The following PDPN variants were observed in gnomAD, a reference collection of about 807,000 sequenced individuals.
PDPN encodes podoplanin.
A neutral mutation model predicts 23.2 loss-of-function variants in PDPN; 12 were observed. The ratio of observed to expected loss-of-function variants is 0.52; its 90% CI spans 0.33 to 0.84. The LOEUF (loss-of-function observed/expected upper bound fraction) is 0.84, where lower values mean the gene tolerates loss of function less well. Ranked by LOEUF, PDPN falls within the 40% of genes least tolerant of loss-of-function variation. The pLI is 0.02. For missense variants in PDPN, 199 were observed against 212.2 expected, an observed-to-expected ratio of 0.94 and a Z score of 0.39; for synonymous variants, 77 against 76.7, an observed-to-expected ratio of 1.00 and a Z score of -0.02.
At chr1:13,612,356 A>C (rs1253978846) in intron 3 of PDPN, among the ~76,000 whole-genome samples, 2 of 152,192 alleles carry the variant, frequency 1.3e-5, no homozygotes, top group African/African-American at 4.8e-5. Context: ...TGGCACTAAT[A>C]AGCTCTAATT....
In PDPN at chr1:13,617,493, C is replaced by T. The variant is rs1455338931; in HGVS notation, c.*1582C>T. The T allele has an allele frequency of 6.6e-6, 1 of 152,222 alleles. No homozygotes were observed. The highest frequency in any genetic ancestry group is 1.5e-5 in the Non-Finnish European group (1 of 68,070). 9.4% of individuals were successfully genotyped at this position (152,222 alleles called of 1,614,324 possible). A position where few individuals can be genotyped will look rare whatever the true frequency, so the allele number is the denominator to read the frequency against. On this transcript the variant is annotated 3_prime_UTR_variant, in exon 6 of 6. Transcript: ENST00000621990. Reference sequence around the variant, plus strand: ...CAAAAAGCAATTCTCCTGCCTCAGCCTCCTGAGTAGCTGGGACTACAGGTT... The same window carrying T: ...CAAAAAGCAATTCTCCTGCCTCAGCTTCCTGAGTAGCTGGGACTACAGGTT...
chr1:13,607,059 TA>T lies in PDPN; in HGVS notation c.68-110del. On this transcript the variant is annotated intron_variant, in intron 1 of 5. Coordinates refer to ENST00000621990, the MANE Select transcript of PDPN (RefSeq NM_006474.5). Reference sequence around the variant, plus strand: ...AGTAAGCCACAAAAAGGACCAAAAATAAAACAAAAATTTCCAAAAGAAATGG... The same window carrying T: ...AGTAAGCCACAAAAAGGACCAAAAATAAACAAAAATTTCCAAAAGAAATGG... 3.1e-6 allele frequency: 4 copies of T among 1,289,926 alleles called. No homozygotes were observed. In the East Asian group the frequency reaches 7.3e-5, roughly 23 times the overall value. The allele number at this position is 1,289,926 out of a possible 1,614,324, so 79.9% of individuals were successfully genotyped here.
intron 1 of PDPN, among the ~76,000 whole-genome samples, chr1:13,604,946 T>C (rs1475182228): frequency 1.3e-5 from 2 of 152,272 alleles, no homozygotes; most frequent in East Asian, 1.9e-4. Flanking sequence ...CATGGAAATA[T>C]TCGGTTATTG....
chr1:13,585,945 C>G (rs922922731), intron 1 of PDPN, among the ~76,000 whole-genome samples: 4 of 152,064 alleles, frequency 2.6e-5, no homozygotes, highest in Non-Finnish European at 5.9e-5. Flanking sequence ...TACTGGGTTT[C>G]CCTCCTCCAG....
At chr1:13,597,599 T>TAACGAGAGGAAGTCCCCATCTAG (rs1640530071) in intron 1 of PDPN, among the ~76,000 whole-genome samples, 1 of 152,148 alleles carries the variant, frequency 6.6e-6, no homozygotes, top group Admixed American at 6.6e-5. Context: ...GTAGAGGACT[T>TAACGAGAGGAAGTCCCCATCTAG]AACGAGAGGA....
chr1:13,593,306 G>A lies in PDPN; in HGVS notation c.67+9206G>A, dbSNP rs141403433. On this transcript the variant is annotated intron_variant, in intron 1 of 5. Transcript: ENST00000621990. Reference sequence around the variant, plus strand: ...GCCCGGCTTTAGATATGATGAGTTTGAGGTAAATAGTAAGACACCCAATTT... The same window carrying A: ...GCCCGGCTTTAGATATGATGAGTTTAAGGTAAATAGTAAGACACCCAATTT... 2.6e-5 allele frequency among the ~76,000 whole-genome samples: 4 copies of A among 152,254 alleles called. No homozygotes were observed. In the East Asian group the frequency reaches 7.7e-4, roughly 29 times the overall value.
chr1:13,591,925 A>G (rs1282177288), intron 1 of PDPN, among the ~76,000 whole-genome samples: 1 of 152,236 alleles, frequency 6.6e-6, no homozygotes, highest in Non-Finnish European at 1.5e-5. Flanking sequence ...CAGTTCCACC[A>G]GCAATACATG....
At chr1:13,609,483 A>G (rs573691078) in intron 2 of PDPN, among the ~76,000 whole-genome samples, 24 of 152,268 alleles carry the variant, frequency 1.6e-4, no homozygotes, top group African/African-American at 5.8e-4. Flanking sequence ...ACCATTTTTA[A>G]GTGTACAATT....
chr1:13,617,442 C>T lies in PDPN; in HGVS notation c.*1531C>T, dbSNP rs1044176174. On this transcript the variant is annotated 3_prime_UTR_variant, in exon 6 of 6. Transcript: ENST00000621990. ...AAACGTAGTCTGCAACTCTGCCTCC[C>T]GGCAATTATACATGTGTCAGGATGT... 2 of 152,168 alleles carry T rather than the reference C, an allele frequency of 1.3e-5. No individual in the cohort carries two copies. The highest frequency in any genetic ancestry group is 2.1e-4 in the South Asian group (1 of 4,828). 9.4% of individuals were successfully genotyped at this position (152,168 alleles called of 1,614,324 possible).
intron 1 of PDPN, among the ~76,000 whole-genome samples, chr1:13,605,607 A>T (rs550278149): frequency 6.6e-6 from 1 of 152,144 alleles, no homozygotes; most frequent in Non-Finnish European, 1.5e-5. Flanking sequence ...GTCCACTCCA[A>T]TTCCCTGCTC....
intron 1 of PDPN, among the ~76,000 whole-genome samples, chr1:13,592,837 A>G (rs984587306): frequency 6.6e-6 from 1 of 152,060 alleles, no homozygotes; most frequent in Non-Finnish European, 1.5e-5. Flanking sequence ...GGCGTGAGCC[A>G]CCGCGCCTGG....
At position 13,610,495 on chromosome 1, in the gene PDPN, G is replaced by A. The variant is rs971795198; in HGVS notation, c.310G>A (p.Val104Met). ...AAGTCCAAGCGCCACAGCCTCAAAC[G>A]TGGCCACCAGTCACTCCACGGGTAA... The part of the protein sequence containing the change: ...EQSPSATASN[V>M]ATSHSTEKVD... Residue 104 changes from valine (V) to methionine (M), a missense_variant, in exon 3 of 6, where the codon GTG becomes ATG. Physicochemically the swap from Val to Met is conservative, Grantham distance 21. Coordinates refer to ENST00000621990, the MANE Select transcript of PDPN (RefSeq NM_006474.5). The A allele has an allele frequency of 1.9e-6, 3 of 1,613,780 alleles. No homozygotes were observed. Among genetic ancestry groups the A allele is most frequent in the Non-Finnish European group, 2.5e-6 (3 of 1,179,792 alleles).
intron 1 of PDPN, among the ~76,000 whole-genome samples, chr1:13,595,151 CAT>C (rs1330625231): frequency 6.6e-6 from 1 of 152,170 alleles, no homozygotes; most frequent in East Asian, 1.9e-4. Context: ...GAAAGATACA[CAT>C]GAGATTTCAG....
Position 13,586,123 on chromosome 1 carries a change from A to G in PDPN, c.67+2023A>G, listed in dbSNP as rs79633868. On this transcript the variant is annotated intron_variant, in intron 1 of 5. Transcript: ENST00000621990. Reference sequence around the variant, plus strand: ...GAAGGCACGTTTTGGGGGCCACTTCATTAGAGAGTTTATTTTGTGAGATTC... The same window carrying G: ...GAAGGCACGTTTTGGGGGCCACTTCGTTAGAGAGTTTATTTTGTGAGATTC... Among the ~76,000 whole-genome samples, 1,083 of 152,192 alleles carry G rather than the reference A, an allele frequency of 7.1e-3. 40 individuals are homozygous for G. In the East Asian group the frequency reaches 0.11, roughly 15 times the overall value.
At chr1:13,584,205 C>CG (rs1557531787) in intron 1 of PDPN, 105 bp downstream of exon 1, 4 of 1,522,824 alleles carry the variant, frequency 2.6e-6, no homozygotes, top group Non-Finnish European at 3.5e-6. Flanking sequence ...CAGGGGAGCG[C>CG]GGGGGAGCTG....
At chr1:13,596,122 C>T (rs1040244331) in intron 1 of PDPN, 71 of 301,490 alleles carry the variant, frequency 2.4e-4, no homozygotes, top group Non-Finnish European at 1.4e-4. Context: ...TCGCTTGAAC[C>T]CAGGAGGCGG....
chr1:13,613,987 C>T (rs1477760327), intron 4 of PDPN, among the ~76,000 whole-genome samples: 1 of 150,064 alleles, frequency 6.7e-6, no homozygotes, highest in African/African-American at 2.5e-5. Flanking sequence ...TGTCATATCA[C>T]AGTTCATCAT....
chr1:13,610,568 T>G, intron 3 of PDPN, 52 bp downstream of exon 3: 1 of 1,583,502 alleles, frequency 6.3e-7, no homozygotes, highest in Non-Finnish European at 8.6e-7. Flanking sequence ...GCATAATTGG[T>G]GCATTCCAAA....
chr1:13,607,053 C>G, intron 1 of PDPN, 120 bp from the exon 2 acceptor site: 1 of 1,224,148 alleles, frequency 8.2e-7, no homozygotes. Flanking sequence ...CAAAAAGGAC[C>G]AAAAATAAAA....
Sources: gnomAD v4.1 joint callset for allele counts (sites outside exome capture counted in the v4.1 genomes callset) on GRCh38, gnomAD v4.1.1 for gene constraint, MANE v1.5 for transcripts, NCBI Gene and HGNC (gene_info 2026-07-23, HGNC 2026-07-21) for gene names.